The following NT5DC4 variants were observed in gnomAD, a reference collection of about 807,000 sequenced individuals.
The protein encoded by NT5DC4 is 5'-nucleotidase domain-containing protein 4.
Under a neutral mutation model 26.6 loss-of-function variants are expected in NT5DC4, and 44 were observed. That is an observed-to-expected ratio of 1.65 (90% confidence interval 1.30 to 2.13). The LOEUF (loss-of-function observed/expected upper bound fraction) is 2.13, where lower values mean the gene tolerates loss of function less well. Among genes scored for constraint, NT5DC4 ranks in the 30% most tolerant of loss-of-function variants. The pLI, the probability that NT5DC4 is intolerant of heterozygous loss-of-function variation, is 0.00. For synonymous variants in NT5DC4, 157 were observed against 86.7 expected (o/e 1.81, Z -4.51); for missense variants, 399 against 228.1 (o/e 1.75, Z -4.83).
At chr2:112,719,141 C>A (rs1177234697), upstream of NT5DC4, among the ~76,000 whole-genome samples, 1 of 152,210 alleles carries the variant, frequency 6.6e-6, no homozygotes, top group African/African-American at 2.4e-5. Context: ...ACCTCGGCTG[C>A]AGGGTACAGC....
intron 6 of NT5DC4, 83 bp downstream of exon 6, chr2:112,722,854 G>T (rs987767221): frequency 1.2e-5 from 8 of 673,894 alleles, no homozygotes; most frequent in Non-Finnish European, 1.9e-5. Flanking sequence ...GCCCCCCAAG[G>T]GCTCCCCAAG....
chr2:112,719,481 CTTTTTTT>C (rs57789268), upstream of NT5DC4, among the ~76,000 whole-genome samples: 3 of 101,292 alleles, frequency 3.0e-5, no homozygotes, highest in African/African-American at 1.1e-4. Context: ...ACTTGTCTGT[CTTTTTTT>C]TTTTTTTTTT....
At chr2:112,726,583 T>C in intron 14 of NT5DC4, 95 bp from the exon 15 acceptor site, 1 of 710,552 alleles carries the variant, frequency 1.4e-6, no homozygotes, top group Non-Finnish European at 2.6e-6. Flanking sequence ...CCGCACGGTG[T>C]CCCCCCACCC....
chr2:112,736,122 A>G (rs1250759187), intron 16 of NT5DC4, among the ~76,000 whole-genome samples: 1 of 152,106 alleles, frequency 6.6e-6, no homozygotes, highest in Non-Finnish European at 1.5e-5. Flanking sequence ...TGCACAAGCA[A>G]TGGATGGCAC....
At position 112,725,460 on chromosome 2, in the gene NT5DC4, A is replaced by T. The variant is rs13417956; in HGVS notation, c.1061A>T (p.Asp354Val). The change falls in exon 13 of 17, where the codon GAC becomes GTC. Residue 354 changes from aspartate to valine, a missense_variant. Asp to Val is a radical substitution (Grantham distance 152). Transcript: ENST00000688554. ...TACATTGGGGACCACATTTTTGGGGACATTCTCAAGTCCAAGAAGCGTCAG... is the reference window on the plus strand; with the variant it reads ...TACATTGGGGACCACATTTTTGGGGTCATTCTCAAGTCCAAGAAGCGTCAG... ...ILYIGDHIFGDILKSKKRQGW... is the reference protein window; with the variant it reads ...ILYIGDHIFGVILKSKKRQGW... 0.036 allele frequency: 25,817 copies of T among 716,940 alleles called. 1,374 individuals carry two copies. Among genetic ancestry groups the T allele is most frequent in the African/African-American group, 0.16 (9,272 of 57,258 alleles). The allele number at this position is 716,940 out of a possible 1,614,324, so 44.4% of individuals were successfully genotyped here. A position where few individuals can be genotyped will look rare whatever the true frequency, so the allele number is the denominator to read the frequency against.
chr2:112,732,818 G>A (rs575280188), intron 16 of NT5DC4, among the ~76,000 whole-genome samples: 10 of 152,144 alleles, frequency 6.6e-5, no homozygotes, highest in Admixed American at 2.0e-4. Flanking sequence ...TGTTACCTCC[G>A]CTCTCCCCTC....
In NT5DC4 at chr2:112,724,879, G is replaced by C. The variant is rs1219586055; in HGVS notation, c.888G>C (p.Gln296His). The C allele has an allele frequency of 4.2e-6, 3 of 717,074 alleles. No homozygotes were observed. The highest frequency in any genetic ancestry group is 7.8e-6 in the Non-Finnish European group (3 of 385,032). 44.4% of individuals were successfully genotyped at this position (717,074 alleles called of 1,614,324 possible). ...TTGCAGAGGGGTTGGTCCTGAGGCA[G>C]GTCAACACGGTAATGGCAGGTGCAG... ...HFFAEGLVLR[Q>H]VNTVMAGAED... The change falls in exon 11 of 17, where the codon CAG becomes CAC. Residue 296 changes from glutamine (Q) to histidine (H), a missense_variant. Gln to His is a conservative substitution (Grantham distance 24, BLOSUM62 0). Coordinates refer to ENST00000688554, the MANE Select transcript of NT5DC4 (RefSeq NM_001393655.1).
downstream of NT5DC4, chr2:112,742,482 G>C: frequency 5.6e-6 from 4 of 718,158 alleles, no homozygotes; most frequent in Non-Finnish European, 5.2e-6. Flanking sequence ...TCCAGTCTAG[G>C]CTGTTTTGGT....
At position 112,722,547 on chromosome 2, in the gene NT5DC4, C is replaced by T. The variant is rs1167877039; in HGVS notation, c.427C>T (p.Leu143=). Residue 143 remains leucine (L), a synonymous_variant, in exon 5 of 17, where the codon CTG becomes TTG. Coordinates refer to ENST00000688554, the MANE Select transcript of NT5DC4 (RefSeq NM_001393655.1). The part of the protein sequence containing the change: ...YPSKFIQRDD[L]QCFYILNMLF... Reference sequence around the variant, plus strand: ...CAGCAAGTTCATTCAGAGGGACGACCTGCAGTGTTTCTACATACTCAACAT... The same window carrying T: ...CAGCAAGTTCATTCAGAGGGACGACTTGCAGTGTTTCTACATACTCAACAT... 3 of 717,304 alleles carry T rather than the reference C, an allele frequency of 4.2e-6. No homozygotes were observed. The African/African-American group carries it at 5.2e-5, about 13-fold the overall frequency. 44.4% of individuals were successfully genotyped at this position (717,304 alleles called of 1,614,324 possible). A position where few individuals can be genotyped will look rare whatever the true frequency, so the allele number is the denominator to read the frequency against.
chr2:112,719,987 TTTTTCTTTTCTTTTC>T (rs1195865998), upstream of NT5DC4, among the ~76,000 whole-genome samples: 1 of 129,916 alleles, frequency 7.7e-6, no homozygotes. Context: ...TCTTTCTTTC[TTTTTCTTTTCTTTTC>T]TTTTCTTTTC....
downstream of NT5DC4, chr2:112,742,816 A>G: frequency 7.2e-7 from 1 of 1,398,504 alleles, no homozygotes; most frequent in South Asian, 1.3e-5. Context: ...ACATTCATGC[A>G]AAAAATTTGC....
intron 15 of NT5DC4, 26 bp from the exon 16 acceptor site, chr2:112,729,601 A>G: frequency 1.4e-6 from 1 of 717,532 alleles, no homozygotes; most frequent in Admixed American, 2.0e-5. Flanking sequence ...GGAGTGCTTC[A>G]CCTCCACCTG....
rs61190947 is a variant in NT5DC4 at position 112,726,596 on chromosome 2, C to A, written c.1206-82C>A. On this transcript the variant is annotated intron_variant, in intron 14 of 16. Transcript: ENST00000688554. ...GCCCGCACGGTGTCCCCCCACCCGACCCCTGCTGGGGTCTAAGGAGACTGT... is the reference window on the plus strand; with the variant it reads ...GCCCGCACGGTGTCCCCCCACCCGAACCCTGCTGGGGTCTAAGGAGACTGT... 2,031 of 714,390 alleles carry A rather than the reference C, an allele frequency of 2.8e-3. 26 individuals are homozygous for A. The African/African-American group carries it at 0.031, about 11-fold the overall frequency. 44.3% of individuals were successfully genotyped at this position (714,390 alleles called of 1,614,324 possible). A position where few individuals can be genotyped will look rare whatever the true frequency, so the allele number is the denominator to read the frequency against.
chr2:112,741,168 T>C (rs1679928046), downstream of NT5DC4, among the ~76,000 whole-genome samples: 1 of 152,154 alleles, frequency 6.6e-6, no homozygotes, highest in Non-Finnish European at 1.5e-5. Flanking sequence ...TTATAACTTG[T>C]TTTTTCACGT....
chr2:112,722,455 C>T (rs1677019845), intron 4 of NT5DC4, 28 bp from the exon 5 acceptor site: 2 of 716,988 alleles, frequency 2.8e-6, no homozygotes, highest in East Asian at 2.7e-5. Context: ...CCAGGAGGCA[C>T]TGGGGAGGGG....
At position 112,723,411 on chromosome 2, in the gene NT5DC4, C is replaced by G. The variant is rs1036927800; in HGVS notation, c.622-7C>G. The G allele has an allele frequency of 1.5e-6, 1 of 666,540 alleles. No homozygotes were observed. Among genetic ancestry groups the G allele is most frequent in the South Asian group, 1.5e-5 (1 of 65,498 alleles). 41.3% of individuals were successfully genotyped at this position (666,540 alleles called of 1,614,324 possible). A position where few individuals can be genotyped will look rare whatever the true frequency, so the allele number is the denominator to read the frequency against. ...CACACACACAGGCACTTTGCTCCCTCCTGCAGGGCTGTCTCAAGAAGACCC... is the reference window on the plus strand; with the variant it reads ...CACACACACAGGCACTTTGCTCCCTGCTGCAGGGCTGTCTCAAGAAGACCC... On this transcript the variant is annotated splice_polypyrimidine_tract_variant and splice_region_variant and intron_variant, in intron 7 of 16. Transcript: ENST00000688554.
rs1677037767 is a variant in NT5DC4, at chr2:112,722,563, T to A, written c.443T>A (p.Ile148Lys). ...IQRDDLQCFY[I>K]LNMLFNLPET... Reference sequence around the variant, plus strand: ...AGGGACGACCTGCAGTGTTTCTACATACTCAACATGCTCTTCAACCTGCCT... The same window carrying A: ...AGGGACGACCTGCAGTGTTTCTACAAACTCAACATGCTCTTCAACCTGCCT... The change falls in exon 5 of 17, where the codon ATA becomes AAA. Residue 148 changes from isoleucine to lysine, a missense_variant. Ile to Lys is a moderately radical substitution (Grantham distance 102). Transcript: ENST00000688554. 1.4e-6 allele frequency: 1 copy of A among 717,268 alleles called. No homozygotes were observed. Among genetic ancestry groups the A allele is most frequent in the Non-Finnish European group, 2.6e-6 (1 of 385,084 alleles). The allele number at this position is 717,268 out of a possible 1,614,324, so 44.4% of individuals were successfully genotyped here. A position where few individuals can be genotyped will look rare whatever the true frequency, so the allele number is the denominator to read the frequency against.
intron 16 of NT5DC4, among the ~76,000 whole-genome samples, chr2:112,734,160 A>G (rs1267048556): frequency 1.7e-4 from 5 of 29,894 alleles, no homozygotes; most frequent in Non-Finnish European, 3.3e-4. Flanking sequence ...TTTCTATGCT[A>G]TTATATATAT....
intron 16 of NT5DC4, 141 bp from the exon 17 acceptor site, chr2:112,738,769 TTTC>T: frequency 8.3e-7 from 1 of 1,209,054 alleles, no homozygotes; most frequent in Non-Finnish European, 1.2e-6. Context: ...GACAAGAATA[TTTC>T]TTGTCTTATG....
Sources: gnomAD v4.1 joint callset for allele counts (sites outside exome capture counted in the v4.1 genomes callset) on GRCh38, gnomAD v4.1.1 for gene constraint, MANE v1.5 for transcripts, NCBI Gene and HGNC (gene_info 2026-07-23, HGNC 2026-07-21) for gene names.